The following DGLUCY variants were observed in gnomAD, a reference collection of about 807,000 sequenced individuals.
The protein encoded by DGLUCY is D-glutamate cyclase, mitochondrial.
DGLUCY carries 58 observed loss-of-function variants against 58.5 expected under a neutral mutation model. That is an observed-to-expected ratio of 0.99 (90% CI 0.80 to 1.23). The LOEUF (loss-of-function observed/expected upper bound fraction) is 1.23, where lower values mean the gene tolerates loss of function less well. Among genes scored for constraint, DGLUCY ranks in the 50% most tolerant of loss-of-function variants. The pLI is 0.00. For missense variants in DGLUCY, 779 were observed against 784.7 expected (o/e 0.99, Z 0.09); for synonymous variants, 325 against 314.1 (o/e 1.03, Z -0.37).
intron 1 of DGLUCY, among the ~76,000 whole-genome samples, chr14:91,067,249 A>G (rs181782775): frequency 3.0e-4 from 45 of 152,178 alleles, no homozygotes; most frequent in African/African-American, 1.0e-3. Context: ...AAAAAAAAAA[A>G]CACTTTTTCA....
rs143142311 is a variant in DGLUCY at position 91,081,075 on chromosome 14, C to T, written c.-82+20371C>T. On this transcript the variant is annotated intron_variant, in intron 1 of 4. Coordinates refer to the DGLUCY transcript ENST00000521334. ...AAAATTAGCTGGGCATGGCGGCATG[C>T]GCCTGTAGTCCCAGCTGCTGGGGAG... is the stretch of plus-strand genomic sequence containing the variant. Among the ~76,000 whole-genome samples, 1,211 of 152,244 alleles carry T rather than the reference C, an allele frequency of 8.0e-3. 11 individuals are homozygous for T. Among genetic ancestry groups the T allele is most frequent in the Middle Eastern group, 0.027 (8 of 294 alleles).
chr14:91,163,602 T>C (rs1445452150), intron 3 of DGLUCY, among the ~76,000 whole-genome samples: 1 of 152,112 alleles, frequency 6.6e-6, no homozygotes, highest in Non-Finnish European at 1.5e-5. Flanking sequence ...CCAGTCCCCA[T>C]GGAGGACGGC....
chr14:91,123,294 C>T (rs1333133347), intron 1 of DGLUCY, among the ~76,000 whole-genome samples: 4 of 152,196 alleles, frequency 2.6e-5, no homozygotes, highest in Middle Eastern at 3.4e-3. Flanking sequence ...AGACAGTAAA[C>T]GGAGGGGCCC....
intron 1 of DGLUCY, among the ~76,000 whole-genome samples, chr14:91,150,672 C>T (rs1023753153): frequency 6.6e-5 from 10 of 152,192 alleles, no homozygotes; most frequent in South Asian, 6.2e-4. Context: ...GGGATCCTAC[C>T]GCCTCAGCGT....
intron 1 of DGLUCY, among the ~76,000 whole-genome samples, chr14:91,140,019 A>G (rs900175579): frequency 1.3e-5 from 2 of 152,254 alleles, no homozygotes; most frequent in African/African-American, 2.4e-5. Context: ...TAAGGTGAAC[A>G]TAGAGTAACT....
At chr14:91,110,318 C>G (rs1442748410), upstream of DGLUCY, among the ~76,000 whole-genome samples, 3 of 152,094 alleles carry the variant, frequency 2.0e-5, no homozygotes, top group Non-Finnish European at 4.4e-5. Flanking sequence ...CATCTTTAAG[C>G]CTTAAGAAAA....
At chr14:91,149,365 T>C (rs2047187494) in intron 1 of DGLUCY, among the ~76,000 whole-genome samples, 1 of 152,214 alleles carries the variant, frequency 6.6e-6, no homozygotes. Context: ...TAGGTCGTTA[T>C]CACTCTGGCA....
At chr14:91,168,338 G>GA (rs11424786) in intron 4 of DGLUCY, among the ~76,000 whole-genome samples, 151,364 of 152,178 alleles carry the variant, frequency 0.99, 75,284 homozygotes, top group Middle Eastern at 1. Context: ...CTGATCTCAA[G>GA]CCCATGGTGA....
At chr14:91,157,127 A>ATGGG (rs145850090) in intron 1 of DGLUCY, among the ~76,000 whole-genome samples, 1 of 148,694 alleles carries the variant, frequency 6.7e-6, no homozygotes, top group African/African-American at 2.5e-5. Flanking sequence ...GGGTGGATGG[A>ATGGG]TGGATGGATG....
At chr14:91,068,055 G>A (rs552953676) in intron 1 of DGLUCY, among the ~76,000 whole-genome samples, 6 of 144,306 alleles carry the variant, frequency 4.2e-5, no homozygotes, top group African/African-American at 7.7e-5. Flanking sequence ...ATGTACTGGC[G>A]CGTGCACACA....
At chr14:91,189,601 G>A (rs1282105107) in intron 9 of DGLUCY, among the ~76,000 whole-genome samples, 3 of 152,170 alleles carry the variant, frequency 2.0e-5, no homozygotes, top group Admixed American at 6.5e-5. Flanking sequence ...ACCCAGGTGG[G>A]CGTTATTGCT....
upstream of DGLUCY, among the ~76,000 whole-genome samples, chr14:91,104,117 C>T (rs1243684853): frequency 1.2e-4 from 18 of 145,242 alleles, no homozygotes; most frequent in African/African-American, 4.6e-4. Flanking sequence ...GGCTGGAGTG[C>T]AGTGGTGCGA....
intron 7 of DGLUCY, among the ~76,000 whole-genome samples, chr14:91,178,667 A>G (rs974158395): frequency 2.0e-5 from 3 of 152,192 alleles, no homozygotes; most frequent in African/African-American, 7.2e-5. Flanking sequence ...TTCCCCTTAC[A>G]CATCAAATCT....
At chr14:91,064,640 AAAAG>A (rs891610773) in intron 1 of DGLUCY, among the ~76,000 whole-genome samples, 8 of 151,486 alleles carry the variant, frequency 5.3e-5, no homozygotes, top group Non-Finnish European at 1.0e-4. Context: ...AAAAAAAAAA[AAAAG>A]AAAAGAAAAG....
At chr14:91,189,208 G>T (rs201046703) in intron 9 of DGLUCY, 38 bp downstream of exon 9, 201 of 1,609,148 alleles carry the variant, frequency 1.2e-4, no homozygotes, top group Non-Finnish European at 1.5e-4. Flanking sequence ...TTCCCCAAAC[G>T]GGCTTTGTGG....
intron 7 of DGLUCY, among the ~76,000 whole-genome samples, chr14:91,177,985 GC>G (rs955664620): frequency 6.6e-6 from 1 of 152,204 alleles, no homozygotes; most frequent in African/African-American, 2.4e-5. Context: ...ACGTCCCCCA[GC>G]CCAGTGGCCT....
At chr14:91,210,740 A>G (rs1225882670) in intron 12 of DGLUCY, among the ~76,000 whole-genome samples, 1 of 152,190 alleles carries the variant, frequency 6.6e-6, no homozygotes, top group Non-Finnish European at 1.5e-5. Flanking sequence ...GAACATCTAC[A>G]AAAAACCTAC....
intron 1 of DGLUCY, among the ~76,000 whole-genome samples, chr14:91,061,144 G>C (rs2043665764): frequency 3.3e-5 from 5 of 152,204 alleles, no homozygotes; most frequent in Admixed American, 3.3e-4. Context: ...TCACCCACGT[G>C]TTTGCAGACA....
Position 91,061,768 on chromosome 14 carries a change from T to C in DGLUCY, c.-82+1064T>C, listed in dbSNP as rs2043693430. ...GAGATACAGCTGACAAGGTGAGGTG[T>C]GGTAAGATAATGGGGAACTAGGGAT... On this transcript the variant is annotated intron_variant, in intron 1 of 4. Coordinates refer to the DGLUCY transcript ENST00000521334. 2.0e-5 allele frequency among the ~76,000 whole-genome samples: 3 copies of C among 152,076 alleles called. No individual in the cohort carries two copies. In the South Asian group the frequency reaches 6.2e-4, roughly 32 times the overall value.
Sources: gnomAD v4.1 joint callset for allele counts (sites outside exome capture counted in the v4.1 genomes callset) on GRCh38, gnomAD v4.1.1 for gene constraint, MANE v1.5 for transcripts, NCBI Gene and HGNC (gene_info 2026-07-23, HGNC 2026-07-21) for gene names.